The following ERBB4 variants were observed in gnomAD, a reference collection of about 807,000 sequenced individuals.
ERBB4 encodes the protein receptor tyrosine-protein kinase erbB-4.
ERBB4 carries 42 observed loss-of-function variants against 158.0 expected under a neutral mutation model. The observed-to-expected ratio is 0.27, with a 90% CI of 0.21 to 0.34. The LOEUF (loss-of-function observed/expected upper bound fraction) is 0.34. Among genes scored for constraint, ERBB4 ranks in the 10% least tolerant of loss-of-function variants. The pLI is 1.00. For missense variants in ERBB4, 1,333 were observed against 1,624.1 expected (o/e 0.82, Z 3.08); for synonymous variants, 583 against 558.7 (o/e 1.04, Z -0.61).
intron 20 of ERBB4, among the ~76,000 whole-genome samples, chr2:211,524,476 G>A (rs568138679): frequency 2.3e-4 from 34 of 151,024 alleles, no homozygotes; most frequent in African/African-American, 7.9e-4. Context: ...CCATGGAGTG[G>A]GTGGGAAGGT....
chr2:211,523,800 G>A (rs2066257624), intron 20 of ERBB4, among the ~76,000 whole-genome samples: 1 of 152,110 alleles, frequency 6.6e-6, no homozygotes. Context: ...GGGGACCCGA[G>A]CAGGTTGCCA....
At chr2:211,529,687 T>C (rs1438887932) in intron 20 of ERBB4, among the ~76,000 whole-genome samples, 5 of 152,098 alleles carry the variant, frequency 3.3e-5, no homozygotes, top group Non-Finnish European at 7.4e-5. Flanking sequence ...GCAAGAATGG[T>C]TCAACATATG....
chr2:212,217,694 A>G (rs937477665), intron 1 of ERBB4, among the ~76,000 whole-genome samples: 11 of 151,340 alleles, frequency 7.3e-5, no homozygotes, highest in African/African-American at 2.7e-4. Context: ...ACCCATTAAA[A>G]CATAAGCTCC....
chr2:212,211,239 A>G (rs2094485835), intron 1 of ERBB4, among the ~76,000 whole-genome samples: 1 of 152,022 alleles, frequency 6.6e-6, no homozygotes, highest in African/African-American at 2.4e-5. Context: ...TCTTTACCTG[A>G]CTTCCACTCA....
intron 4 of ERBB4, among the ~76,000 whole-genome samples, chr2:211,784,923 T>C (rs6753227): frequency 0.034 from 5,200 of 152,258 alleles, 183 homozygotes; most frequent in African/African-American, 0.09. Flanking sequence ...GAAATGTCTA[T>C]ACAAATCTTT....
chr2:212,308,011 AGTT>A (rs1020139169), intron 1 of ERBB4, among the ~76,000 whole-genome samples: 1 of 150,698 alleles, frequency 6.6e-6, no homozygotes, highest in African/African-American at 2.4e-5. Flanking sequence ...TTGAGAAAGG[AGTT>A]GTTGTATTTT....
In ERBB4 at chr2:211,387,107, C is replaced by T. The variant is rs2125320351; in HGVS notation, c.3227G>A (p.Gly1076Glu). ...YRDGGFAAEQ[G>E]VSVPYRAPTS... ...TGGGGCTCTGTAGGGCACAGACACT[C>T]CTTGTTCAGCAGCAAAACCTCCATC... Residue 1076 changes from glycine to glutamate, a missense_variant, in exon 27 of 28, where the codon GGA (glycine) becomes GAA (glutamate). This residue lies in a region of ERBB4 where 252 missense variants were observed against 241.3 expected (regional missense o/e 1.04). Transcript: ENST00000342788. 1 of 1,614,022 alleles carries T rather than the reference C, an allele frequency of 6.2e-7. No individual in the cohort carries two copies.
intron 19 of ERBB4, among the ~76,000 whole-genome samples, chr2:211,604,858 T>C (rs1379998695): frequency 6.6e-6 from 1 of 152,222 alleles, no homozygotes; most frequent in Non-Finnish European, 1.5e-5. Context: ...AAATAACTAT[T>C]TGGCATATAT....
chr2:212,157,838 C>T lies in ERBB4; in HGVS notation c.83-32935G>A, dbSNP rs930531329. On this transcript the variant is annotated intron_variant, in intron 1 of 27. Coordinates refer to ENST00000342788, the MANE Select transcript of ERBB4 (RefSeq NM_005235.3). The stretch of plus-strand genomic sequence containing the variant: ...ACTTAAGCCAGAGCTCTTCCTAAGT[C>T]TTTGGACTAGTAGGCACTTAGACTG... 2.6e-5 allele frequency among the ~76,000 whole-genome samples: 4 copies of T among 152,114 alleles called. No individual in the cohort carries two copies. The South Asian group carries it at 8.3e-4, about 32-fold the overall frequency.
chr2:211,611,129 G>C (rs527740766), intron 19 of ERBB4, among the ~76,000 whole-genome samples: 2 of 152,140 alleles, frequency 1.3e-5, no homozygotes, highest in East Asian at 3.9e-4. Context: ...GGACTTCCTG[G>C]GTCAATAGGG....
intron 20 of ERBB4, among the ~76,000 whole-genome samples, chr2:211,435,986 T>TA (rs2063844457): frequency 6.6e-6 from 1 of 152,024 alleles, no homozygotes; most frequent in Non-Finnish European, 1.5e-5. Context: ...AGACAAGGTC[T>TA]AGCTCTGTCA....
At chr2:211,842,932 A>C (rs2077507267) in intron 3 of ERBB4, among the ~76,000 whole-genome samples, 1 of 152,144 alleles carries the variant, frequency 6.6e-6, no homozygotes, top group Admixed American at 6.6e-5. Context: ...TGATAGCTAC[A>C]TGATCCTGGA....
intron 3 of ERBB4, among the ~76,000 whole-genome samples, chr2:211,884,594 T>C (rs537884804): frequency 5.2e-4 from 79 of 152,300 alleles, no homozygotes; most frequent in South Asian, 1.4e-3. Flanking sequence ...ACATGTCACC[T>C]AACCAAAATT....
intron 3 of ERBB4, among the ~76,000 whole-genome samples, chr2:211,833,655 C>T (rs2077274157): frequency 1.3e-5 from 2 of 151,776 alleles, no homozygotes; most frequent in Admixed American, 1.3e-4. Flanking sequence ...ACCAAGGATA[C>T]TCATGTTGGA....
rs534639934 is a variant in ERBB4 at position 211,706,048 on chromosome 2, GT to G, written c.1125-658del. Among the ~76,000 whole-genome samples the G allele has an allele frequency of 3.2e-3, 473 of 148,070 alleles. 6 individuals carry two copies. The highest frequency in any genetic ancestry group is 0.011 in the African/African-American group (433 of 40,550). On this transcript the variant is annotated intron_variant, in intron 9 of 27. Coordinates refer to ENST00000342788, the MANE Select transcript of ERBB4 (RefSeq NM_005235.3). ...TATATGAATTCAAGCAAGACTTCCA[GT>G]TTTTTTTTTAAAGAAATCCACAGTA... is the stretch of plus-strand genomic sequence containing the variant.
Position 211,506,400 on chromosome 2 carries a change from A to G in ERBB4, c.2487+55503T>C, listed in dbSNP as rs188723365. 7.4e-4 allele frequency among the ~76,000 whole-genome samples: 112 copies of G among 152,182 alleles called. 3 individuals carry two copies. Among genetic ancestry groups the G allele is most frequent in the Non-Finnish European group, 5.9e-4 (40 of 68,016 alleles). Reference sequence around the variant, plus strand: ...ACTCTGTACCTAAACTGGACTCTAGACCAAATGGACCTAATAGACATTTAT... The same window carrying G: ...ACTCTGTACCTAAACTGGACTCTAGGCCAAATGGACCTAATAGACATTTAT... On this transcript the variant is annotated intron_variant, in intron 20 of 27. Coordinates refer to ENST00000342788, the MANE Select transcript of ERBB4 (RefSeq NM_005235.3).
chr2:212,258,247 TTTTA>T (rs760638395), intron 1 of ERBB4, among the ~76,000 whole-genome samples: 4 of 151,858 alleles, frequency 2.6e-5, no homozygotes, highest in Non-Finnish European at 4.4e-5. Flanking sequence ...TTTTCATGCA[TTTTA>T]TTTGTTTTCA....
chr2:211,670,298 T>A (rs753956995), intron 14 of ERBB4, among the ~76,000 whole-genome samples: 13 of 152,182 alleles, frequency 8.5e-5, no homozygotes, highest in Non-Finnish European at 1.8e-4. Context: ...GGGCCACTGG[T>A]TGAGCTCAGC....
chr2:212,126,110 C>G (rs1234648059), intron 1 of ERBB4, among the ~76,000 whole-genome samples: 1 of 152,100 alleles, frequency 6.6e-6, no homozygotes, highest in Non-Finnish European at 1.5e-5. Flanking sequence ...AATAAATAAT[C>G]TGTCTGCCAA....
Sources: allele counts gnomAD v4.1 joint callset (sites outside exome capture counted in the v4.1 genomes callset), GRCh38; gene constraint gnomAD v4.1.1; regional missense constraint gnomAD v4.1.1; transcripts MANE v1.5; gene names NCBI Gene and HGNC (gene_info 2026-07-23, HGNC 2026-07-21).